Variants in MAX observed in about 807,000 individuals in gnomAD.
MAX encodes MYC associated transcriptional regulator X.
A neutral mutation model predicts 22.3 loss-of-function variants in MAX; 3 were observed. That is an observed-to-expected ratio of 0.13 (90% confidence interval 0.06 to 0.35). The LOEUF (loss-of-function observed/expected upper bound fraction) is 0.35, where lower values mean the gene tolerates loss of function less well. Ranked by LOEUF, MAX falls within the 10% of genes least tolerant of loss-of-function variation. The pLI is 1.00. For synonymous variants in MAX, 72 were observed against 77.7 expected (o/e 0.93, Z 0.39); for missense variants, 119 against 209.4 (o/e 0.57, Z 2.66).
chr14:65,022,389 G>T (rs2061905857), intron 3 of MAX, among the ~76,000 whole-genome samples: 2 of 151,648 alleles, frequency 1.3e-5, no homozygotes, highest in African/African-American at 4.8e-5. Flanking sequence ...TAGTGCTGAA[G>T]TTTTTTATGT....
In MAX at chr14:65,012,809, A is replaced by G. The variant is rs1239115678; in HGVS notation, c.172-6525T>C. On this transcript the variant is annotated intron_variant, in intron 3 of 3. Coordinates refer to the MAX transcript ENST00000341653. This position sits in a 1 kb window ranked among gnomAD's most constrained non-coding sequence, Gnocchi z 5.0. ...TATCGTGATGGTTACAAATTTTCCA[A>G]CTTCACCACTCCTTCTAGTAAGTAC... Among the ~76,000 whole-genome samples, 1 of 152,180 alleles carries G rather than the reference A, an allele frequency of 6.6e-6. No homozygotes were observed. The highest frequency in any genetic ancestry group is 2.4e-5 in the African/African-American group (1 of 41,442).
chr14:65,098,216 A>G (rs755282078), intron 2 of MAX, among the ~76,000 whole-genome samples: 8 of 152,222 alleles, frequency 5.3e-5, no homozygotes, highest in Non-Finnish European at 8.8e-5. Flanking sequence ...CATCACTGTC[A>G]ACACTCTAAG....
chr14:65,027,552 T>C lies in MAX; in HGVS notation c.172-21268A>G. ...TTGCACCCACATATGCAGCAGTCAA[T>C]GCATTGTGCATCATTGGCACCGAGG... On this transcript the variant is annotated intron_variant, in intron 3 of 3. Coordinates refer to the MAX transcript ENST00000341653. This position sits in a 1 kb window ranked among gnomAD's most constrained non-coding sequence, Gnocchi z 5.7. 1.2e-6 allele frequency: 2 copies of C among 1,614,194 alleles called. No individual in the cohort carries two copies. Among genetic ancestry groups the C allele is most frequent in the South Asian group, 2.2e-5 (2 of 91,086 alleles).
chr14:65,085,961 C>T (rs565916203), intron 3 of MAX, among the ~76,000 whole-genome samples: 4 of 152,260 alleles, frequency 2.6e-5, no homozygotes, highest in Admixed American at 1.3e-4. Context: ...TCCCATGTGT[C>T]GGGGGAGGAA....
intron 3 of MAX, among the ~76,000 whole-genome samples, chr14:65,085,199 A>T (rs1482639712): frequency 2.6e-5 from 4 of 152,110 alleles, no homozygotes; most frequent in African/African-American, 9.7e-5. Context: ...TCAAATTTTC[A>T]CCTGTTTAAC....
In MAX at chr14:65,029,865, C is replaced by T. The variant is rs1029206875; in HGVS notation, c.172-23581G>A. Reference sequence around the variant, plus strand: ...ATTGCAGTGATGGACTGTAGTGTTCCAATAAAAGCCCTCTGGTTTCAGGGC... The same window carrying T: ...ATTGCAGTGATGGACTGTAGTGTTCTAATAAAAGCCCTCTGGTTTCAGGGC... On this transcript the variant is annotated intron_variant, in intron 3 of 3. Coordinates refer to the MAX transcript ENST00000341653. This position sits in a 1 kb window ranked among gnomAD's most constrained non-coding sequence, Gnocchi z 4.7. 6.6e-6 allele frequency among the ~76,000 whole-genome samples: 1 copy of T among 152,050 alleles called. No homozygotes were observed. The highest frequency in any genetic ancestry group is 6.6e-5 in the Admixed American group (1 of 15,258).
chr14:65,019,050 C>T (rs774962932), intron 3 of MAX, among the ~76,000 whole-genome samples: 6 of 152,078 alleles, frequency 3.9e-5, no homozygotes, highest in Non-Finnish European at 5.9e-5. Flanking sequence ...TGTTACTGCA[C>T]TCCCGGCTCC....
Position 65,079,459 on chromosome 14 carries a change from C to G in MAX, c.172-1423G>C, listed in dbSNP as rs920039022. 5.9e-5 allele frequency among the ~76,000 whole-genome samples: 9 copies of G among 152,202 alleles called. No homozygotes were observed. The highest frequency in any genetic ancestry group is 9.7e-5 in the African/African-American group (4 of 41,450). On this transcript the variant is annotated intron_variant, in intron 3 of 4. Coordinates refer to ENST00000358664, the MANE Select transcript of MAX (RefSeq NM_002382.5). This position sits in a 1 kb window ranked among gnomAD's most constrained non-coding sequence, Gnocchi z 4.5. ...ATCAAACTTGTCTGGGAGATTCTCT[C>G]CAGGCTACAAACATAGTCAGAGTTA...
chr14:65,015,767 G>A (rs368877720), intron 3 of MAX: 1 of 1,586,554 alleles, frequency 6.3e-7, no homozygotes, highest in Admixed American at 1.7e-5. Context: ...TGTATTTTGA[G>A]TTTGGGATTT....
intron 3 of MAX, among the ~76,000 whole-genome samples, chr14:65,034,200 C>T (rs894263170): frequency 6.6e-6 from 1 of 152,210 alleles, no homozygotes; most frequent in East Asian, 1.9e-4. Flanking sequence ...CTGGAGCCCT[C>T]TGCCCTCCTG....
rs1312839470 is a variant in MAX, at chr14:65,078,251, G to A, written c.172-215C>T. Among the ~76,000 whole-genome samples the A allele has an allele frequency of 6.6e-6, 1 of 152,054 alleles. No homozygotes were observed. Among genetic ancestry groups the A allele is most frequent in the African/African-American group, 2.4e-5 (1 of 41,404 alleles). Reference sequence around the variant, plus strand: ...AGTTTCGCTCTTGTTGCCCAAGCTGGAGTGCAACAGCGTGATCTTGGCTGA... The same window carrying A: ...AGTTTCGCTCTTGTTGCCCAAGCTGAAGTGCAACAGCGTGATCTTGGCTGA... On this transcript the variant is annotated intron_variant, in intron 3 of 4. Coordinates refer to ENST00000358664, the MANE Select transcript of MAX (RefSeq NM_002382.5). The surrounding 1 kb of genome is among the most constrained non-coding windows in gnomAD (Gnocchi z 6.4).
Position 65,054,819 on chromosome 14 carries a change from C to T in MAX, c.171+38889G>A, listed in dbSNP as rs1485746179. On this transcript the variant is annotated intron_variant, in intron 3 of 3. Coordinates refer to the MAX transcript ENST00000341653. The surrounding 1 kb of genome is among the most constrained non-coding windows in gnomAD (Gnocchi z 4.4). ...GGAAGCTTGTGGTCCCTCTGCCCTT[C>T]GAGCTGTGCAGCCGTTAGTGAGGAT... 6 of 1,019,654 alleles carry T rather than the reference C, an allele frequency of 5.9e-6. No homozygotes were observed. The highest frequency in any genetic ancestry group is 2.6e-5 in the East Asian group (1 of 37,992). The allele number at this position is 1,019,654 out of a possible 1,614,324, so 63.2% of individuals were successfully genotyped here.
chr14:65,006,265 GTTAAC>G lies in MAX; in HGVS notation c.186_190del (p.Lys62AsnfsTer9). 1 of 1,613,812 alleles carries G rather than the reference GTTAAC, an allele frequency of 6.2e-7. No homozygotes were observed. The highest frequency in any genetic ancestry group is 2.2e-5 in the East Asian group (1 of 44,868). On this transcript the variant is annotated frameshift_variant, in exon 4 of 4. Transcript: ENST00000341653. LOFTEE classifies it low-confidence loss of function (END_TRUNC). ...TTCATAAGGAAAGACAGGTGGGAGG[GTTAAC>G]TTCATCTTTGTTCCCTGGGGAAGGA...
rs1007085216 is a variant in MAX at position 65,101,107 on chromosome 14, A to T, written c.63+439T>A. 1.1e-4 allele frequency among the ~76,000 whole-genome samples: 17 copies of T among 152,358 alleles called. No individual in the cohort carries two copies. The East Asian group carries it at 1.7e-3, about 16-fold the overall frequency. ...TCTACGGGTCTATAGCAGTCACATG[A>T]CTTGGTTAAAGGCGATTACCGCATG... On this transcript the variant is annotated intron_variant, in intron 2 of 4. Transcript: ENST00000358664.
rs2061649766 is a variant in MAX at position 65,009,364 on chromosome 14, A to C, written c.172-3080T>G. ...TCACTGGCGCTTCACTAACTGCCTTATAATCCTTTTATTCGTCTCATGTAG... is the reference window on the plus strand; with the variant it reads ...TCACTGGCGCTTCACTAACTGCCTTCTAATCCTTTTATTCGTCTCATGTAG... On this transcript the variant is annotated intron_variant, in intron 3 of 3. Transcript: ENST00000341653. This position sits in a 1 kb window ranked among gnomAD's most constrained non-coding sequence, Gnocchi z 4.2. Among the ~76,000 whole-genome samples the C allele has an allele frequency of 6.6e-6, 1 of 151,558 alleles. No homozygotes were observed. The highest frequency in any genetic ancestry group is 2.4e-5 in the African/African-American group (1 of 40,916).
In MAX at chr14:65,076,331, C is replaced by G; in HGVS notation, c.*145G>C. ...GAGAGCTGTTGTCCAAGAGCTTCTA[C>G]GTAAAAATAAAAATTTAAAAAAAAA... On this transcript the variant is annotated 3_prime_UTR_variant, in exon 5 of 5. Coordinates refer to ENST00000358664, the MANE Select transcript of MAX (RefSeq NM_002382.5). This position sits in a 1 kb window ranked among gnomAD's most constrained non-coding sequence, Gnocchi z 6.6. The G allele has an allele frequency of 1.3e-6, 2 of 1,509,602 alleles. No homozygotes were observed. Among genetic ancestry groups the G allele is most frequent in the Admixed American group, 2.3e-5 (1 of 43,256 alleles). 93.5% of individuals were successfully genotyped at this position (1,509,602 alleles called of 1,614,324 possible). A position where few individuals can be genotyped will look rare whatever the true frequency, so the allele number is the denominator to read the frequency against.
In MAX at chr14:65,082,152, G is replaced by C. The variant is rs2063214355; in HGVS notation, c.172-4116C>G. 1 of 152,170 alleles carries C rather than the reference G, an allele frequency of 6.6e-6. No homozygotes were observed. The highest frequency in any genetic ancestry group is 2.1e-4 in the South Asian group (1 of 4,828). The allele number at this position is 152,170 out of a possible 1,614,324, so 9.4% of individuals were successfully genotyped here. On this transcript the variant is annotated intron_variant, in intron 3 of 4. Coordinates refer to ENST00000358664, the MANE Select transcript of MAX (RefSeq NM_002382.5). This position sits in a 1 kb window ranked among gnomAD's most constrained non-coding sequence, Gnocchi z 4.8. ...ATGTTATGTAAACTAATAGGAAGTT[G>C]AGTCAGGATTTGAATCCAAGCCTCC...
Position 65,056,066 on chromosome 14 carries a change from T to C in MAX, c.171+37642A>G, listed in dbSNP as rs940838059. Among the ~76,000 whole-genome samples, 18 of 152,364 alleles carry C rather than the reference T, an allele frequency of 1.2e-4. No homozygotes were observed. In the East Asian group the frequency reaches 1.7e-3, roughly 15 times the overall value. On this transcript the variant is annotated intron_variant, in intron 3 of 3. Transcript: ENST00000341653. ...CATGCCTGTGGATGTTTTTGTGCTA[T>C]TGCTACATACATATGTATCTATAAG...
downstream of MAX, among the ~76,000 whole-genome samples, chr14:65,073,806 C>G (rs931486197): frequency 4.6e-5 from 7 of 152,188 alleles, no homozygotes; most frequent in African/African-American, 1.7e-4. Flanking sequence ...GCCCAGGAAG[C>G]TGCTTCCAGT....
Sources: allele counts gnomAD v4.1 joint callset (sites outside exome capture counted in the v4.1 genomes callset), GRCh38; gene constraint gnomAD v4.1.1; non-coding constraint Gnocchi (gnomAD v3.1); transcripts MANE v1.5; gene names NCBI Gene and HGNC (gene_info 2026-07-23, HGNC 2026-07-21).